Variants in YWHAE observed in about 807,000 individuals in gnomAD.
YWHAE encodes the protein tyrosine 3-monooxygenase/tryptophan 5-monooxygenase activation protein epsilon.
YWHAE carries 4 observed loss-of-function variants against 30.1 expected under a neutral mutation model. The observed-to-expected ratio is 0.13, with a 90% CI of 0.07 to 0.30. YWHAE has a LOEUF of 0.30. Among genes scored for constraint, YWHAE ranks in the 10% least tolerant of loss-of-function variants. The pLI is 1.00. For synonymous variants in YWHAE, 118 were observed against 111.8 expected (o/e 1.06, Z -0.35); for missense variants, 121 against 315.9 (o/e 0.38, Z 4.68).
At chr17:1,365,504 C>T (rs1450630443) in intron 1 of YWHAE, among the ~76,000 whole-genome samples, 1 of 152,104 alleles carries the variant, frequency 6.6e-6, no homozygotes, top group Non-Finnish European at 1.5e-5. Context: ...CAAAAATATA[C>T]GGAGTATATG....
chr17:1,392,450 T>G (rs996715898), intron 1 of YWHAE, among the ~76,000 whole-genome samples: 1 of 152,244 alleles, frequency 6.6e-6, no homozygotes, highest in Admixed American at 6.5e-5. Context: ...TTTTTCTTGC[T>G]GCTCTTTCCT....
At chr17:1,362,887 T>C (rs1045462772) in intron 2 of YWHAE, among the ~76,000 whole-genome samples, 2 of 152,168 alleles carry the variant, frequency 1.3e-5, no homozygotes, top group Non-Finnish European at 2.9e-5. Context: ...TAAGTTCTCC[T>C]AGCTCCTTGC....
chr17:1,352,874 C>T (rs2072658862), intron 5 of YWHAE, among the ~76,000 whole-genome samples: 1 of 152,150 alleles, frequency 6.6e-6, no homozygotes, highest in Non-Finnish European at 1.5e-5. Flanking sequence ...TGACATCAGA[C>T]TTTGTTTACA....
At chr17:1,395,302 C>T (rs1313052246) in intron 1 of YWHAE, among the ~76,000 whole-genome samples, 1 of 151,978 alleles carries the variant, frequency 6.6e-6, no homozygotes, top group Non-Finnish European at 1.5e-5. Flanking sequence ...CTGAGGTGGG[C>T]AGATCACCTG....
intron 1 of YWHAE, 159 bp downstream of exon 1, chr17:1,399,888 C>T: frequency 1.2e-6 from 1 of 830,460 alleles, no homozygotes. Context: ...TAGAGCCTCC[C>T]ATCGCCCCGG....
chr17:1,359,091 A>G (rs2072810521), intron 4 of YWHAE, among the ~76,000 whole-genome samples: 1 of 151,368 alleles, frequency 6.6e-6, no homozygotes, highest in Non-Finnish European at 1.5e-5. Flanking sequence ...GGCCAAGATC[A>G]CGCCACTGCA....
At chr17:1,373,428 G>C (rs1429445158) in intron 1 of YWHAE, among the ~76,000 whole-genome samples, 1 of 152,094 alleles carries the variant, frequency 6.6e-6, no homozygotes, top group Admixed American at 6.6e-5. Flanking sequence ...CGCTTTGGGA[G>C]GCCAAGAAGG....
intron 1 of YWHAE, among the ~76,000 whole-genome samples, chr17:1,398,597 C>A (rs527859507): frequency 3.3e-5 from 5 of 152,078 alleles, no homozygotes; most frequent in Non-Finnish European, 7.4e-5. Context: ...ATCAAAGATA[C>A]TTGATTCCAA....
chr17:1,370,407 A>T (rs369974281), intron 1 of YWHAE, among the ~76,000 whole-genome samples: 8 of 151,784 alleles, frequency 5.3e-5, no homozygotes, highest in Admixed American at 2.6e-4. Context: ...CTGGGATTAC[A>T]GGCGTGAGCC....
chr17:1,370,159 GCT>G (rs1297401894), intron 1 of YWHAE, among the ~76,000 whole-genome samples: 3 of 117,340 alleles, frequency 2.6e-5, no homozygotes, highest in African/African-American at 3.3e-5. Context: ...ACGGAGTCTC[GCT>G]CTGTCACCAG....
At chr17:1,355,506 T>C (rs1048958023) in intron 4 of YWHAE, among the ~76,000 whole-genome samples, 7 of 151,880 alleles carry the variant, frequency 4.6e-5, no homozygotes, top group Non-Finnish European at 1.0e-4. Flanking sequence ...TTAAAAAAAT[T>C]TAATTTCACG....
chr17:1,345,383 T>G lies in YWHAE; in HGVS notation c.*64A>C, dbSNP rs576426807. The G allele has an allele frequency of 1.9e-6, 3 of 1,560,160 alleles. No homozygotes were observed. Among genetic ancestry groups the G allele is most frequent in the Non-Finnish European group, 2.6e-6 (3 of 1,133,638 alleles). ...GGTGGTTCTCAGTGACAATGGGGAG[T>G]TTCCAAAGGGTGGGATGGGGAGGAG... On this transcript the variant is annotated 3_prime_UTR_variant, in exon 6 of 6. Transcript: ENST00000264335.
At chr17:1,366,053 T>C (rs963508121) in intron 1 of YWHAE, among the ~76,000 whole-genome samples, 2 of 151,822 alleles carry the variant, frequency 1.3e-5, no homozygotes, top group African/African-American at 4.8e-5. Flanking sequence ...CTGTCTCTAC[T>C]AAAAATACAA....
At chr17:1,389,141 C>T (rs940604263) in intron 1 of YWHAE, among the ~76,000 whole-genome samples, 3 of 151,640 alleles carry the variant, frequency 2.0e-5, no homozygotes, top group African/African-American at 7.3e-5. Flanking sequence ...AATTCTGTTT[C>T]TTTTTGTAGA....
At chr17:1,394,870 G>C (rs1420099692) in intron 1 of YWHAE, among the ~76,000 whole-genome samples, 1 of 152,032 alleles carries the variant, frequency 6.6e-6, no homozygotes, top group Non-Finnish European at 1.5e-5. Flanking sequence ...GGGAAGCAGA[G>C]GCAGGAGAAT....
intron 1 of YWHAE, among the ~76,000 whole-genome samples, chr17:1,372,726 G>A (rs755029061): frequency 1.3e-5 from 2 of 152,198 alleles, no homozygotes; most frequent in African/African-American, 2.4e-5. Context: ...GCCGAAGGCA[G>A]GAAGATCATG....
intron 1 of YWHAE, chr17:1,369,883 C>T (rs2073004467): frequency 1.3e-5 from 2 of 151,598 alleles, no homozygotes; most frequent in African/African-American, 4.9e-5. Context: ...TTTAAAAACA[C>T]CTTATTGCTA....
chr17:1,398,357 G>T (rs1192743529), intron 1 of YWHAE, among the ~76,000 whole-genome samples: 1 of 137,248 alleles, frequency 7.3e-6, no homozygotes, highest in African/African-American at 2.7e-5. Flanking sequence ...CAGGAACCTT[G>T]TTGAATACAA....
At chr17:1,354,675 G>C (rs563650925) in intron 4 of YWHAE, among the ~76,000 whole-genome samples, 1 of 152,046 alleles carries the variant, frequency 6.6e-6, no homozygotes, top group African/African-American at 2.4e-5. Context: ...TTGTTTGTTT[G>C]TTTTTAAGAC....
Sources: gnomAD v4.1 joint callset for allele counts (sites outside exome capture counted in the v4.1 genomes callset) on GRCh38, gnomAD v4.1.1 for gene constraint, MANE v1.5 for transcripts, NCBI Gene and HGNC (gene_info 2026-07-23, HGNC 2026-07-21) for gene names.